Variants in HMGN3 observed in about 807,000 individuals in gnomAD.
The protein encoded by HMGN3 is high mobility group nucleosomal binding domain 3, also known as high mobility group nucleosome-binding domain-containing protein 3.
HMGN3 carries 6 observed loss-of-function variants against 18.8 expected under a neutral mutation model. The observed-to-expected ratio is 0.32, with a 90% CI of 0.18 to 0.63. The LOEUF (loss-of-function observed/expected upper bound fraction) is 0.63, where lower values mean the gene tolerates loss of function less well. Among genes scored for constraint, HMGN3 ranks in the 30% least tolerant of loss-of-function variants. The pLI is 0.79. For missense variants in HMGN3, 107 were observed against 114.2 expected, an observed-to-expected ratio of 0.94 and a Z score of 0.29; for synonymous variants, 40 against 36.5, an observed-to-expected ratio of 1.10 and a Z score of -0.35.
intron 1 of HMGN3, among the ~76,000 whole-genome samples, chr6:79,227,492 T>C (rs913862932): frequency 6.6e-6 from 1 of 152,206 alleles, no homozygotes; most frequent in Non-Finnish European, 1.5e-5. Flanking sequence ...TTCACTGTGA[T>C]TCTCTTAATA....
At chr6:79,207,875 G>A (rs1776495684) in intron 3 of HMGN3, among the ~76,000 whole-genome samples, 3 of 152,146 alleles carry the variant, frequency 2.0e-5, no homozygotes, top group Admixed American at 6.6e-5. Context: ...AGTCTGGGCT[G>A]CAGGAATTTT....
At chr6:79,212,193 C>T (rs759844561) in intron 2 of HMGN3, among the ~76,000 whole-genome samples, 3 of 152,072 alleles carry the variant, frequency 2.0e-5, no homozygotes, top group Non-Finnish European at 4.4e-5. Flanking sequence ...ATAAAAGGGC[C>T]ATAGGGATAG....
At chr6:79,224,025 TGAA>T (rs1777438230) in intron 1 of HMGN3, among the ~76,000 whole-genome samples, 1 of 152,190 alleles carries the variant, frequency 6.6e-6, no homozygotes, top group South Asian at 2.1e-4. Flanking sequence ...AGCAGAATAA[TGAA>T]GATGTGTACT....
At chr6:79,214,014 T>A (rs1046357106) in intron 2 of HMGN3, among the ~76,000 whole-genome samples, 1 of 152,204 alleles carries the variant, frequency 6.6e-6, no homozygotes, top group African/African-American at 2.4e-5. Context: ...TAGAGGTTCA[T>A]AATAATAACT....
intron 5 of HMGN3, 47 bp downstream of exon 5, chr6:79,202,229 C>A (rs1339610584): frequency 6.2e-7 from 1 of 1,613,294 alleles, no homozygotes; most frequent in East Asian, 2.2e-5. Flanking sequence ...TGAGAAATTT[C>A]TTTAAAGACA....
intron 1 of HMGN3, among the ~76,000 whole-genome samples, chr6:79,220,593 C>A (rs549545874): frequency 6.6e-6 from 1 of 152,156 alleles, no homozygotes; most frequent in East Asian, 1.9e-4. Context: ...ATTACAGGTG[C>A]GTGCCACCAC....
chr6:79,204,934 A>C (rs767488466), intron 3 of HMGN3, among the ~76,000 whole-genome samples: 11 of 152,210 alleles, frequency 7.2e-5, no homozygotes, highest in Non-Finnish European at 1.3e-4. Flanking sequence ...ATTAATATAC[A>C]TGTTTTCTCC....
intron 1 of HMGN3, among the ~76,000 whole-genome samples, chr6:79,227,038 C>T (rs1409779799): frequency 6.6e-6 from 1 of 152,168 alleles, no homozygotes; most frequent in African/African-American, 2.4e-5. Context: ...ACTCAGGAGA[C>T]TAACATCATA....
intron 3 of HMGN3, among the ~76,000 whole-genome samples, chr6:79,208,083 T>C (rs1156882340): frequency 6.6e-6 from 1 of 152,088 alleles, no homozygotes; most frequent in African/African-American, 2.4e-5. Flanking sequence ...AGACACCAAA[T>C]AGCAAAGTAG....
At chr6:79,217,591 A>G (rs1777055682) in intron 1 of HMGN3, among the ~76,000 whole-genome samples, 1 of 152,222 alleles carries the variant, frequency 6.6e-6, no homozygotes, top group African/African-American at 2.4e-5. Context: ...AAAGTTGAGC[A>G]CATTTCCTTA....
At chr6:79,222,431 A>G (rs1281536473) in intron 1 of HMGN3, among the ~76,000 whole-genome samples, 1 of 152,198 alleles carries the variant, frequency 6.6e-6, no homozygotes, top group Non-Finnish European at 1.5e-5. Flanking sequence ...ATGAACACAT[A>G]ACTACTTAAC....
At chr6:79,215,313 G>A (rs377126738) in intron 1 of HMGN3, among the ~76,000 whole-genome samples, 29 of 152,298 alleles carry the variant, frequency 1.9e-4, no homozygotes, top group African/African-American at 6.3e-4. Flanking sequence ...TATCTTTGAT[G>A]ATTCCAGTTA....
chr6:79,201,933 C>T, intron 5 of HMGN3, 130 bp downstream of exon 6: 1 of 1,442,116 alleles, frequency 6.9e-7, no homozygotes, highest in Non-Finnish European at 9.0e-7. Flanking sequence ...TTGCTTTCTG[C>T]TTTTCAAACC....
intron 2 of HMGN3, among the ~76,000 whole-genome samples, chr6:79,213,520 G>A (rs1004920090): frequency 5.9e-5 from 9 of 152,126 alleles, no homozygotes; most frequent in Non-Finnish European, 1.3e-4. Context: ...TTAGCCAACT[G>A]TTCTAAAAAT....
At chr6:79,225,691 AT>A (rs1222450627) in intron 1 of HMGN3, among the ~76,000 whole-genome samples, 13 of 152,352 alleles carry the variant, frequency 8.5e-5, no homozygotes, top group Admixed American at 7.2e-4. Flanking sequence ...ATCTGAGAAA[AT>A]TATAAAGAGT....
At chr6:79,215,965 C>A (rs1486832464) in intron 1 of HMGN3, among the ~76,000 whole-genome samples, 4 of 152,222 alleles carry the variant, frequency 2.6e-5, no homozygotes, top group Non-Finnish European at 5.9e-5. Context: ...ATACAAATAG[C>A]AAACTGACAT....
intron 2 of HMGN3, among the ~76,000 whole-genome samples, chr6:79,212,770 A>G (rs533432974): frequency 6.6e-6 from 1 of 152,324 alleles, no homozygotes; most frequent in South Asian, 2.1e-4. Context: ...TCTATTCACT[A>G]AAGTCAAGGT....
intron 3 of HMGN3, among the ~76,000 whole-genome samples, chr6:79,207,242 T>C (rs905202079): frequency 2.6e-5 from 4 of 152,118 alleles, no homozygotes; most frequent in Non-Finnish European, 5.9e-5. Flanking sequence ...GGCAGAATGA[T>C]ATGGTTTGGC....
chr6:79,214,861 T>G, intron 2 of HMGN3, 111 bp downstream of exon 2: 1 of 683,534 alleles, frequency 1.5e-6, no homozygotes. Context: ...ATCATTCATA[T>G]TAAACTTTGT....
Sources: gnomAD v4.1 joint callset for allele counts (sites outside exome capture counted in the v4.1 genomes callset) on GRCh38, gnomAD v4.1.1 for gene constraint, MANE v1.5 for transcripts, NCBI Gene and HGNC (gene_info 2026-07-23, HGNC 2026-07-21) for gene names.